The following EXOSC7 variants were observed in gnomAD, a reference collection of about 807,000 sequenced individuals.
The protein encoded by EXOSC7 is exosome component 7, also known as exosome complex component RRP42.
EXOSC7 carries 25 observed loss-of-function variants against 34.3 expected under a neutral mutation model. The observed-to-expected ratio is 0.73, with a 90% CI of 0.53 to 1.02. EXOSC7 has a LOEUF of 1.02. Among genes scored for constraint, EXOSC7 ranks in the 50% least tolerant of loss-of-function variants. The pLI, the probability that EXOSC7 is intolerant of heterozygous loss-of-function variation, is 0.00. For synonymous variants in EXOSC7, 130 were observed against 143.0 expected, an observed-to-expected ratio of 0.91 and a Z score of 0.65; for missense variants, 370 against 368.5, an observed-to-expected ratio of 1.00 and a Z score of -0.03.
In EXOSC7 at chr3:45,001,621, A is replaced by G. The variant is rs373160551; in HGVS notation, c.491+13A>G. 5.6e-6 allele frequency: 9 copies of G among 1,597,372 alleles called. No homozygotes were observed. Among genetic ancestry groups the G allele is most frequent in the Middle Eastern group, 1.6e-4 (1 of 6,066 alleles). On this transcript the variant is annotated intron_variant, in intron 5 of 7. Coordinates refer to ENST00000265564, the MANE Select transcript of EXOSC7 (RefSeq NM_015004.4). ...TCTTCAATACAAGGTAAGTCTTCCTAGAAACAGCTCTGCGAACCTGTGGAG... is the reference window on the plus strand; with the variant it reads ...TCTTCAATACAAGGTAAGTCTTCCTGGAAACAGCTCTGCGAACCTGTGGAG...
In EXOSC7 at chr3:45,005,432, T is replaced by C; in HGVS notation, c.615+18T>C. 1 of 1,611,442 alleles carries C rather than the reference T, an allele frequency of 6.2e-7. No individual in the cohort carries two copies. Among genetic ancestry groups the C allele is most frequent in the Non-Finnish European group, 8.5e-7 (1 of 1,177,832 alleles). Reference sequence around the variant, plus strand: ...TGTGCAAGGTATAACTTGTATTTTATGGTTTTTGTCTTCCCTGTGGGTGTG... The same window carrying C: ...TGTGCAAGGTATAACTTGTATTTTACGGTTTTTGTCTTCCCTGTGGGTGTG... On this transcript the variant is annotated intron_variant, in intron 6 of 7. Coordinates refer to ENST00000265564, the MANE Select transcript of EXOSC7 (RefSeq NM_015004.4).
At chr3:44,999,334 T>C (rs1706812562) in intron 4 of EXOSC7, among the ~76,000 whole-genome samples, 2 of 152,208 alleles carry the variant, frequency 1.3e-5, no homozygotes, top group Non-Finnish European at 2.9e-5. Context: ...TTGGATTTCT[T>C]CTGAAATATT....
chr3:45,009,723 T>G (rs542483981), intron 7 of EXOSC7, among the ~76,000 whole-genome samples: 1 of 152,208 alleles, frequency 6.6e-6, no homozygotes, highest in Non-Finnish European at 1.5e-5. Context: ...TTTTTTTGTA[T>G]TTTTAGTAGA....
Position 44,998,297 on chromosome 3 carries a change from A to G in EXOSC7, c.420+1045A>G, listed in dbSNP as rs144041604. 6.6e-5 allele frequency among the ~76,000 whole-genome samples: 10 copies of G among 152,062 alleles called. No homozygotes were observed. The East Asian group carries it at 1.7e-3, about 26-fold the overall frequency. Reference sequence around the variant, plus strand: ...GTGATCCACCTGCCTCGGCCTCCCAAAGTGCGGGGATTACAGGTGCAAACC... The same window carrying G: ...GTGATCCACCTGCCTCGGCCTCCCAGAGTGCGGGGATTACAGGTGCAAACC... On this transcript the variant is annotated intron_variant, in intron 4 of 7. Transcript: ENST00000265564.
rs887366578 is a variant in EXOSC7, at chr3:44,999,720, A to G, written c.421-1818A>G. Among the ~76,000 whole-genome samples, 3 of 152,140 alleles carry G rather than the reference A, an allele frequency of 2.0e-5. No homozygotes were observed. The East Asian group carries it at 5.8e-4, about 29-fold the overall frequency. ...AAAAAAAAGTTGTCATCTTCAGAAAAGTTTTTAATGAATTAGAAAAGCATT... is the reference window on the plus strand; with the variant it reads ...AAAAAAAAGTTGTCATCTTCAGAAAGGTTTTTAATGAATTAGAAAAGCATT... On this transcript the variant is annotated intron_variant, in intron 4 of 7. Transcript: ENST00000265564.
chr3:44,985,468 G>A (rs1391033951), intron 1 of EXOSC7, among the ~76,000 whole-genome samples: 4 of 151,980 alleles, frequency 2.6e-5, no homozygotes, highest in Non-Finnish European at 5.9e-5. Flanking sequence ...CTTCCTTCTG[G>A]TGGGTTCGTG....
At chr3:44,982,889 A>G (rs1434898076) in intron 1 of EXOSC7, among the ~76,000 whole-genome samples, 1 of 152,208 alleles carries the variant, frequency 6.6e-6, no homozygotes, top group Non-Finnish European at 1.5e-5. Context: ...ATCAACACCT[A>G]CTTTTGCCTG....
intron 1 of EXOSC7, 116 bp from the exon 2 acceptor site, chr3:44,989,024 A>G (rs1041698312): frequency 1.6e-6 from 1 of 644,892 alleles, no homozygotes; most frequent in African/African-American, 1.8e-5. Flanking sequence ...TAGATGATCC[A>G]CTAAGAGGAA....
chr3:45,005,326 G>C lies in EXOSC7; in HGVS notation c.527G>C (p.Gly176Ala), dbSNP rs1707003835. 6.2e-7 allele frequency: 1 copy of C among 1,614,094 alleles called. No homozygotes were observed. The highest frequency in any genetic ancestry group is 8.5e-7 in the Non-Finnish European group (1 of 1,179,990). ...GTTCGAGTTTTGGAGGATGAAGAGG[G>C]GTCGAAGGACATTGAATTGTCAGAT... ...PRVRVLEDEE[G>A]SKDIELSDDP... The change falls in exon 6 of 8, where the codon GGG becomes GCG. Residue 176 changes from glycine (G) to alanine (A), a missense_variant. Physicochemically the swap from Gly to Ala is moderately conservative, Grantham distance 60 (BLOSUM62 0). Coordinates refer to ENST00000265564, the MANE Select transcript of EXOSC7 (RefSeq NM_015004.4).
chr3:44,993,709 T>C (rs1706633078), intron 3 of EXOSC7, among the ~76,000 whole-genome samples: 1 of 152,144 alleles, frequency 6.6e-6, no homozygotes, highest in Non-Finnish European at 1.5e-5. Context: ...TTTTGGTAAA[T>C]GCAGAAAGCA....
downstream of EXOSC7, chr3:45,012,404 T>G (rs1697307699): frequency 6.6e-6 from 1 of 152,226 alleles, no homozygotes; most frequent in African/African-American, 2.4e-5. Context: ...GCCAGGTCCA[T>G]CCCTGTGGAG....
chr3:45,011,296 A>G lies in EXOSC7; in HGVS notation c.833A>G (p.Glu278Gly), dbSNP rs749211090. The G allele has an allele frequency of 2.5e-6, 4 of 1,613,504 alleles. No homozygotes were observed. Among genetic ancestry groups the G allele is most frequent in the East Asian group, 4.5e-5 (2 of 44,798 alleles). The change falls in exon 8 of 8, where the codon GAA becomes GGA. Residue 278 changes from glutamate (E) to glycine (G), a missense_variant. Transcript: ENST00000265564. ...ASLQSVVHKE[E>G]SLGPKRQKVG... ...TTGCAGAGTGTTGTGCACAAGGAAG[A>G]AAGCCTGGGGCCCAAGAGACAGAAA...
intron 1 of EXOSC7, among the ~76,000 whole-genome samples, chr3:44,988,499 A>C (rs1419465102): frequency 1.3e-5 from 2 of 152,218 alleles, no homozygotes; most frequent in Non-Finnish European, 2.9e-5. Context: ...CTTATGGGTC[A>C]TATCTCTGGC....
At chr3:44,989,437 T>G (rs1706510412) in intron 2 of EXOSC7, 113 bp from the exon 3 acceptor site, 1 of 916,284 alleles carries the variant, frequency 1.1e-6, no homozygotes, top group Non-Finnish European at 1.7e-6. Context: ...TTTCCAAGTC[T>G]TAGCACTGCT....
chr3:44,986,094 G>T (rs1423409150), intron 1 of EXOSC7, among the ~76,000 whole-genome samples: 1 of 152,118 alleles, frequency 6.6e-6, no homozygotes, highest in African/African-American at 2.4e-5. Flanking sequence ...GGAGCTGCCT[G>T]CCAGTCCCCT....
chr3:44,980,636 C>T (rs542388075), intron 1 of EXOSC7, among the ~76,000 whole-genome samples: 29 of 152,208 alleles, frequency 1.9e-4, no homozygotes, highest in Non-Finnish European at 3.4e-4. Flanking sequence ...GAGATCAAGG[C>T]AGGAGAGAAT....
chr3:45,001,752 A>G, intron 5 of EXOSC7, 144 bp downstream of exon 5: 1 of 625,976 alleles, frequency 1.6e-6, no homozygotes, highest in Admixed American at 2.9e-5. Flanking sequence ...ATCTAACGTT[A>G]AACTCCAGAA....
intron 1 of EXOSC7, among the ~76,000 whole-genome samples, chr3:44,987,047 A>G (rs1706439389): frequency 6.6e-6 from 1 of 151,510 alleles, no homozygotes; most frequent in Admixed American, 6.6e-5. Context: ...AAGGAGCTCC[A>G]TGAGCCAACG....
chr3:44,989,672 A>T, intron 3 of EXOSC7, 28 bp downstream of exon 3: 1 of 1,513,094 alleles, frequency 6.6e-7, no homozygotes, highest in East Asian at 2.3e-5. Context: ...AGATATTTCT[A>T]AAGATAAATG....
Sources: gnomAD v4.1 joint callset for allele counts (sites outside exome capture counted in the v4.1 genomes callset) on GRCh38, gnomAD v4.1.1 for gene constraint, MANE v1.5 for transcripts, NCBI Gene and HGNC (gene_info 2026-07-23, HGNC 2026-07-21) for gene names.